The following SH3GL1 variants were observed in gnomAD, a reference collection of about 807,000 sequenced individuals.
The protein encoded by SH3GL1 is SH3 domain containing GRB2 like 1, endophilin A2, also known as endophilin-A2.
SH3GL1 carries 21 observed loss-of-function variants against 48.8 expected under a neutral mutation model. The ratio of observed to expected loss-of-function variants is 0.43; its 90% CI spans 0.30 to 0.62. SH3GL1 has a LOEUF of 0.62. SH3GL1 is among the 20% of genes least tolerant of loss of function. The pLI, the probability that SH3GL1 is intolerant of heterozygous loss-of-function variation, is 0.11. For missense variants in SH3GL1, 454 were observed against 503.0 expected (o/e 0.90, Z 0.93); for synonymous variants, 282 against 217.5 (o/e 1.30, Z -2.61).
intron 9 of SH3GL1, among the ~76,000 whole-genome samples, chr19:4,362,038 C>T (rs1972631405): frequency 6.6e-6 from 1 of 152,202 alleles, no homozygotes; most frequent in Non-Finnish European, 1.5e-5. Context: ...GCTGGGGACA[C>T]CCGGTGCTGC....
At chr19:4,391,127 C>A (rs944806536) in intron 1 of SH3GL1, among the ~76,000 whole-genome samples, 5 of 152,134 alleles carry the variant, frequency 3.3e-5, no homozygotes, top group African/African-American at 9.7e-5. Context: ...AAAAATGCAA[C>A]AGACACACAC....
intron 1 of SH3GL1, among the ~76,000 whole-genome samples, chr19:4,373,204 A>T (rs2144882984): frequency 6.6e-6 from 1 of 152,262 alleles, no homozygotes; most frequent in East Asian, 1.9e-4. Context: ...CCCGGCGGCG[A>T]GGAATCAGAC....
intron 1 of SH3GL1, among the ~76,000 whole-genome samples, chr19:4,369,023 G>T (rs1224900873): frequency 6.6e-6 from 1 of 152,100 alleles, no homozygotes; most frequent in Admixed American, 6.5e-5. Context: ...AGTCAGCAGA[G>T]ATCCAGCCAC....
At chr19:4,399,319 C>CAAAAAAAAAA (rs58263818) in intron 1 of SH3GL1, among the ~76,000 whole-genome samples, 2 of 49,624 alleles carry the variant, frequency 4.0e-5, no homozygotes, top group Non-Finnish European at 6.9e-5. Flanking sequence ...GACTCCCTCT[C>CAAAAAAAAAA]AAAAAAAAAA....
At chr19:4,368,793 C>T (rs749647812) in intron 1 of SH3GL1, among the ~76,000 whole-genome samples, 3 of 152,178 alleles carry the variant, frequency 2.0e-5, no homozygotes, top group South Asian at 4.1e-4. Flanking sequence ...CCTCGTTGGC[C>T]GGGCGCGGTG....
chr19:4,382,459 G>A (rs938644651), intron 1 of SH3GL1, among the ~76,000 whole-genome samples: 9 of 151,600 alleles, frequency 5.9e-5, no homozygotes, highest in Admixed American at 2.0e-4. Context: ...GGGTTTCACC[G>A]TGTTAGCCAG....
chr19:4,392,324 C>T (rs1254304219), intron 1 of SH3GL1, among the ~76,000 whole-genome samples: 1 of 152,058 alleles, frequency 6.6e-6, no homozygotes, highest in Non-Finnish European at 1.5e-5. Flanking sequence ...AGGAGTTCAA[C>T]AACAGCCTGG....
At position 4,400,292 on chromosome 19, in the gene SH3GL1, G is replaced by A. The variant is rs1973499549; in HGVS notation, c.45+32C>T. Reference sequence around the variant, plus strand: ...CCCTCATCCGGGCAGCCCGGGGCCCGGTACTCGGCTCCCGCCTGGGCCTGC... The same window carrying A: ...CCCTCATCCGGGCAGCCCGGGGCCCAGTACTCGGCTCCCGCCTGGGCCTGC... On this transcript the variant is annotated intron_variant, in intron 1 of 9. Transcript: ENST00000269886. This position sits in a 1 kb window ranked among gnomAD's most constrained non-coding sequence, Gnocchi z 4.1. 1.9e-6 allele frequency: 3 copies of A among 1,587,960 alleles called. No homozygotes were observed. Among genetic ancestry groups the A allele is most frequent in the African/African-American group, 1.4e-5 (1 of 71,944 alleles).
chr19:4,373,741 C>T (rs1467926959), intron 1 of SH3GL1, among the ~76,000 whole-genome samples: 1 of 152,166 alleles, frequency 6.6e-6, no homozygotes, highest in Non-Finnish European at 1.5e-5. Flanking sequence ...TGGGCTCTGC[C>T]TCAGACCAGG....
intron 7 of SH3GL1, among the ~76,000 whole-genome samples, 153 bp downstream of exon 7, chr19:4,363,217 G>A (rs1397273292): frequency 3.9e-5 from 6 of 152,150 alleles, no homozygotes; most frequent in African/African-American, 1.2e-4. Context: ...CTCTGACCTC[G>A]CGGCCCCCCA....
intron 1 of SH3GL1, among the ~76,000 whole-genome samples, chr19:4,374,789 C>T (rs1045770181): frequency 5.9e-5 from 9 of 152,192 alleles, no homozygotes; most frequent in Non-Finnish European, 8.8e-5. Context: ...TCCTTGGAAA[C>T]GCATGCCGAG....
intron 7 of SH3GL1, 86 bp downstream of exon 7, chr19:4,363,284 C>A: frequency 2.0e-6 from 2 of 1,024,538 alleles, no homozygotes; most frequent in Non-Finnish European, 1.5e-6. Flanking sequence ...CATGTGCTCA[C>A]CCCACAGCGA....
chr19:4,398,141 G>A (rs958197664), intron 1 of SH3GL1, among the ~76,000 whole-genome samples: 3 of 152,112 alleles, frequency 2.0e-5, no homozygotes, highest in African/African-American at 7.2e-5. Context: ...CACAGCACCT[G>A]GCAGGGTCCT....
chr19:4,396,671 C>T (rs1973430501), intron 1 of SH3GL1, among the ~76,000 whole-genome samples: 1 of 151,794 alleles, frequency 6.6e-6, no homozygotes, highest in African/African-American at 2.4e-5. Flanking sequence ...TTTTCCAAAT[C>T]TTCAAGCAGG....
chr19:4,364,418 C>A, intron 4 of SH3GL1, 197 bp from the exon 5 acceptor site: 1 of 615,658 alleles, frequency 1.6e-6, no homozygotes, highest in African/African-American at 1.8e-5. Context: ...CACAGGCGTT[C>A]ACCCCCACAC....
Position 4,362,330 on chromosome 19 carries a change from C to A in SH3GL1, c.909G>T (p.Met303Ile), listed in dbSNP as rs1023462737. The A allele has an allele frequency of 6.8e-6, 11 of 1,611,324 alleles. No individual in the cohort carries two copies. In the East Asian group the frequency reaches 2.5e-4, roughly 36 times the overall value. ...DKPIRTPSRS[M>I]PPLDQPSCKA... ...CGAGGCGGGCCTGGGAACACTCACG[C>A]ATGCTCCGGCTAGGGGTCCGGATGG... The change falls in exon 9 of 10, where the codon ATG (methionine) becomes ATT (isoleucine). Residue 303 changes from methionine (M) to isoleucine (I), a missense_variant and splice_region_variant. This residue lies in a region of SH3GL1 where 278 missense variants were observed against 246.8 expected (regional missense o/e 1.13). Transcript: ENST00000269886.
rs368471056 is a variant in SH3GL1, at chr19:4,363,720, G to A, written c.624C>T (p.Asp208=). The A allele has an allele frequency of 6.4e-5, 104 of 1,613,120 alleles. 1 individual carries two copies. In the East Asian group the frequency reaches 6.9e-4, roughly 11 times the overall value. Residue 208 remains aspartate (D), a splice_region_variant and synonymous_variant, in exon 6 of 10, where the codon GAC becomes GAT. Coordinates refer to ENST00000269886, the MANE Select transcript of SH3GL1 (RefSeq NM_003025.4). ...ETSMHNLLET[D]IEQVSQLSAL... ...GGATGTGACACCCCGAGCTACTCAC[G>A]TCAGTCTCCAGGAGGTTGTGCATGC...
intron 1 of SH3GL1, among the ~76,000 whole-genome samples, chr19:4,395,116 G>C (rs930452757): frequency 2.0e-5 from 3 of 152,116 alleles, no homozygotes; most frequent in South Asian, 2.1e-4. Flanking sequence ...TGGAACCATT[G>C]TGTGTAGCAC....
chr19:4,371,269 TGA>T (rs1479218046), intron 1 of SH3GL1, among the ~76,000 whole-genome samples: 2 of 152,250 alleles, frequency 1.3e-5, no homozygotes, highest in Non-Finnish European at 2.9e-5. Flanking sequence ...CACTGTGGAC[TGA>T]GAGTCAGGAC....
Sources: gnomAD v4.1 joint callset for allele counts (sites outside exome capture counted in the v4.1 genomes callset) on GRCh38, gnomAD v4.1.1 for gene constraint, gnomAD v4.1.1 regional missense constraint, Gnocchi (gnomAD v3.1) non-coding constraint, MANE v1.5 for transcripts, NCBI Gene and HGNC (gene_info 2026-07-23, HGNC 2026-07-21) for gene names.